The following ABLIM1 variants were observed in gnomAD, a reference collection of about 807,000 sequenced individuals.
ABLIM1 encodes actin binding LIM protein 1, also known as actin-binding LIM protein 1.
In ABLIM1, 40 loss-of-function variants were observed where a neutral mutation model predicts 107.0. That is an observed-to-expected ratio of 0.37 (90% CI 0.29 to 0.49). The LOEUF (loss-of-function observed/expected upper bound fraction) is 0.49. Ranked by LOEUF, ABLIM1 falls within the 20% of genes least tolerant of loss-of-function variation. The pLI is 0.97. For synonymous variants in ABLIM1, 357 were observed against 357.3 expected (o/e 1.00, Z 0.01); for missense variants, 857 against 1,008.5 (o/e 0.85, Z 2.04).
In ABLIM1 at chr10:114,431,910, A is replaced by G. The variant is rs2058894151; in HGVS notation, c.*4350T>C. ...AAACTTGCCCAAATAAAAACATAACAATCCATATGCAAAGCATATCTGCCA... is the reference window on the plus strand; with the variant it reads ...AAACTTGCCCAAATAAAAACATAACGATCCATATGCAAAGCATATCTGCCA... On this transcript the variant is annotated 3_prime_UTR_variant, in exon 23 of 23. Coordinates refer to ENST00000533213, the MANE Select transcript of ABLIM1 (RefSeq NM_002313.7). 6.6e-6 allele frequency: 1 copy of G among 152,110 alleles called. No homozygotes were observed. Among genetic ancestry groups the G allele is most frequent in the Admixed American group, 6.5e-5 (1 of 15,272 alleles). 9.4% of individuals were successfully genotyped at this position (152,110 alleles called of 1,614,324 possible).
chr10:114,767,685 C>T (rs1227608446), intron 1 of ABLIM1, among the ~76,000 whole-genome samples: 1 of 151,952 alleles, frequency 6.6e-6, no homozygotes, highest in Non-Finnish European at 1.5e-5. Context: ...GGATTTCTTC[C>T]ATAGCCGAGC....
At chr10:114,654,814 T>C (rs953470852) in intron 1 of ABLIM1, among the ~76,000 whole-genome samples, 1 of 152,308 alleles carries the variant, frequency 6.6e-6, no homozygotes, top group East Asian at 1.9e-4. Flanking sequence ...TCTCCCATAC[T>C]GTGCAAGGGG....
chr10:114,745,715 C>A (rs2082369846), intron 1 of ABLIM1, among the ~76,000 whole-genome samples: 1 of 152,238 alleles, frequency 6.6e-6, no homozygotes, highest in Admixed American at 6.5e-5. Flanking sequence ...GTGGCTTACG[C>A]CTGCAATCCC....
chr10:114,437,825 T>G lies in ABLIM1; in HGVS notation c.2223+19A>C. On this transcript the variant is annotated intron_variant, in intron 22 of 22. Coordinates refer to ENST00000533213, the MANE Select transcript of ABLIM1 (RefSeq NM_002313.7). ...ATAGGGATCTGCAGTTGGGACTGGA[T>G]TTTTCGGTTTTGTTTTACCTCCAGC... The G allele has an allele frequency of 2.5e-6, 4 of 1,610,226 alleles. No individual in the cohort carries two copies. In the South Asian group the frequency reaches 3.3e-5, roughly 13 times the overall value.
intron 6 of ABLIM1, among the ~76,000 whole-genome samples, chr10:114,538,478 A>T (rs2066271464): frequency 6.6e-6 from 1 of 152,122 alleles, no homozygotes; most frequent in South Asian, 2.1e-4. Context: ...GCTCTTTCTT[A>T]TGTGGTGGGT....
At chr10:114,687,282 T>A (rs1318350921), upstream of ABLIM1, among the ~76,000 whole-genome samples, 1 of 152,210 alleles carries the variant, frequency 6.6e-6, no homozygotes, top group Non-Finnish European at 1.5e-5. Context: ...AGTACAACTA[T>A]GAACTTTTCA....
chr10:114,557,837 C>CA (rs11340316), intron 4 of ABLIM1, among the ~76,000 whole-genome samples: 21,998 of 136,234 alleles, frequency 0.16, 2,161 homozygotes, highest in East Asian at 0.26. Flanking sequence ...TTATGACTCT[C>CA]AAAAAAAAAA....
the ABLIM1 span, among the ~76,000 whole-genome samples, chr10:114,789,333 C>T: frequency 5.3e-5 from 8 of 152,178 alleles, no homozygotes; most frequent in South Asian, 2.1e-4. Context: ...TAAAACCTTT[C>T]GATGGTCTCT....
chr10:114,464,184 ATTTTT>A (rs1222001152), intron 12 of ABLIM1, among the ~76,000 whole-genome samples: 2 of 131,384 alleles, frequency 1.5e-5, no homozygotes, highest in African/African-American at 2.8e-5. Flanking sequence ...AGCATAAAGG[ATTTTT>A]TTTTTTTTTT....
intron 2 of ABLIM1, among the ~76,000 whole-genome samples, chr10:114,601,265 C>CTT (rs781514757): frequency 5.8e-5 from 8 of 137,950 alleles, no homozygotes; most frequent in East Asian, 2.1e-4. Context: ...CTCTTTCTTT[C>CTT]TTTTTTTTTT....
chr10:114,693,854 G>A (rs1209172204), intron 1 of ABLIM1, among the ~76,000 whole-genome samples: 6 of 148,934 alleles, frequency 4.0e-5, no homozygotes, highest in African/African-American at 7.4e-5. Flanking sequence ...TAGAGATTGG[G>A]TTATTGCTGT....
chr10:114,512,951 G>GAA (rs2062157023), intron 6 of ABLIM1, among the ~76,000 whole-genome samples: 1 of 151,848 alleles, frequency 6.6e-6, no homozygotes, highest in South Asian at 2.1e-4. Flanking sequence ...CAAGCAAGCC[G>GAA]AATTTTGCTT....
intron 2 of ABLIM1, among the ~76,000 whole-genome samples, chr10:114,576,544 A>G (rs545954781): frequency 6.6e-6 from 1 of 152,258 alleles, no homozygotes; most frequent in Admixed American, 6.5e-5. Flanking sequence ...GGTGAGTTCA[A>G]TCAGTAAATT....
intron 1 of ABLIM1, among the ~76,000 whole-genome samples, chr10:114,749,680 T>G (rs1012508286): frequency 1.3e-5 from 2 of 152,082 alleles, no homozygotes; most frequent in African/African-American, 4.8e-5. Flanking sequence ...GTTCACAAGA[T>G]AGCACATGAC....
At chr10:114,471,996 A>G (rs1443006641) in intron 10 of ABLIM1, among the ~76,000 whole-genome samples, 11 of 151,812 alleles carry the variant, frequency 7.2e-5, no homozygotes, top group Non-Finnish European at 1.3e-4. Flanking sequence ...CTGAGATGGG[A>G]CCGGGGAGGG....
chr10:114,445,477 G>T, intron 15 of ABLIM1, 74 bp from the exon 16 acceptor site: 1 of 1,293,336 alleles, frequency 7.7e-7, no homozygotes, highest in Non-Finnish European at 1.1e-6. Context: ...GTCCATCTGT[G>T]TTCAGTTTGT....
rs570518358 is a variant in ABLIM1 at position 114,629,407 on chromosome 10, G to A, written c.245-27446C>T. On this transcript the variant is annotated intron_variant, in intron 1 of 22. Transcript: ENST00000533213. The surrounding 1 kb of genome is among the most constrained non-coding windows in gnomAD (Gnocchi z 4.0). ...GGCTTTTCTGAGAACAAGAATAAAT[G>A]GAGAGGATTGGAGAAGTTTCTGAAT... Among the ~76,000 whole-genome samples, 2 of 152,294 alleles carry A rather than the reference G, an allele frequency of 1.3e-5. No homozygotes were observed. Among genetic ancestry groups the A allele is most frequent in the East Asian group, 3.9e-4 (2 of 5,170 alleles).
At chr10:114,542,442 A>G (rs1390733610) in intron 6 of ABLIM1, among the ~76,000 whole-genome samples, 1 of 151,168 alleles carries the variant, frequency 6.6e-6, no homozygotes, top group Non-Finnish European at 1.5e-5. Context: ...AAAAAAGAAA[A>G]AAAAAAAAGA....
At chr10:114,565,487 T>C (rs1296725916) in intron 4 of ABLIM1, among the ~76,000 whole-genome samples, 1 of 152,166 alleles carries the variant, frequency 6.6e-6, no homozygotes, top group Admixed American at 6.5e-5. Flanking sequence ...TAGGGATCTA[T>C]GACCATCCCA....
Sources: allele counts gnomAD v4.1 joint callset (sites outside exome capture counted in the v4.1 genomes callset), GRCh38; gene constraint gnomAD v4.1.1; non-coding constraint Gnocchi (gnomAD v3.1); transcripts MANE v1.5; gene names NCBI Gene and HGNC (gene_info 2026-07-23, HGNC 2026-07-21).